The following CEP70 variants were observed in gnomAD, a reference collection of about 807,000 sequenced individuals.
CEP70 encodes the protein centrosomal protein of 70 kDa.
CEP70 carries 70 observed loss-of-function variants against 90.9 expected under a neutral mutation model. The observed-to-expected ratio is 0.77, with a 90% confidence interval of 0.64 to 0.94. The LOEUF is 0.94. Ranked by LOEUF, CEP70 falls within the 40% of genes least tolerant of loss-of-function variation. CEP70 has a pLI of 0.00. For missense variants in CEP70, 648 were observed against 669.0 expected (o/e 0.97, Z 0.35); for synonymous variants, 220 against 228.3 (o/e 0.96, Z 0.33).
At chr3:138,581,301 G>A (rs1222743614) in intron 2 of CEP70, among the ~76,000 whole-genome samples, 175 of 150,106 alleles carry the variant, frequency 1.2e-3, no homozygotes, top group African/African-American at 3.3e-3. Context: ...AAAAAAGAAA[G>A]AAAAGAAAAA....
intron 6 of CEP70, among the ~76,000 whole-genome samples, chr3:138,555,621 C>T (rs2039949727): frequency 6.6e-6 from 1 of 152,052 alleles, no homozygotes; most frequent in African/African-American, 2.4e-5. Flanking sequence ...ATAGAGAATT[C>T]TGAAAAGAAG....
chr3:138,560,539 G>A (rs1211508460), intron 6 of CEP70, among the ~76,000 whole-genome samples: 1 of 151,912 alleles, frequency 6.6e-6, no homozygotes, highest in African/African-American at 2.4e-5. Flanking sequence ...TGCTCCCCTG[G>A]AAAGGGGACT....
intron 6 of CEP70, among the ~76,000 whole-genome samples, chr3:138,567,472 C>T (rs967518178): frequency 6.6e-6 from 1 of 152,150 alleles, no homozygotes; most frequent in Non-Finnish European, 1.5e-5. Flanking sequence ...AAGATGATAA[C>T]ACAAGAAAAG....
At chr3:138,585,768 T>A (rs776556411) in intron 2 of CEP70, among the ~76,000 whole-genome samples, 1 of 152,022 alleles carries the variant, frequency 6.6e-6, no homozygotes, top group Non-Finnish European at 1.5e-5. Context: ...TTGACAAAGG[T>A]GCCAAGAACA....
At position 138,539,554 on chromosome 3, in the gene CEP70, G is replaced by C. The variant is rs138113093; in HGVS notation, c.466-2207C>G. Among the ~76,000 whole-genome samples the C allele has an allele frequency of 5.6e-3, 855 of 152,148 alleles. 7 individuals carry two copies. The highest frequency in any genetic ancestry group is 0.02 in the African/African-American group (823 of 41,502). On this transcript the variant is annotated intron_variant, in intron 6 of 17. Coordinates refer to ENST00000264982, the MANE Select transcript of CEP70 (RefSeq NM_024491.4). ...CCCTGAACTGAAAAATGCATTAGAG[G>C]CTTTTAATAGCAGACTGGATCAAGC...
intron 2 of CEP70, among the ~76,000 whole-genome samples, chr3:138,575,746 A>T (rs892831099): frequency 2.0e-5 from 3 of 152,172 alleles, no homozygotes; most frequent in African/African-American, 4.8e-5. Flanking sequence ...GACTAACAGC[A>T]GATCTCTTGG....
At chr3:138,495,107 G>A (rs1245385753) in intron 17 of CEP70, 31 bp from the exon 18 acceptor site, 1 of 1,363,450 alleles carries the variant, frequency 7.3e-7, no homozygotes, top group South Asian at 1.2e-5. Flanking sequence ...TAATAAAAGA[G>A]AGTAACTTTT....
chr3:138,540,802 C>G (rs1308479870), intron 6 of CEP70, among the ~76,000 whole-genome samples: 1 of 152,152 alleles, frequency 6.6e-6, no homozygotes, highest in Non-Finnish European at 1.5e-5. Context: ...TGAATGTTCA[C>G]TGCAGCACTA....
chr3:138,546,285 T>C (rs2039194823), intron 6 of CEP70, among the ~76,000 whole-genome samples: 1 of 152,152 alleles, frequency 6.6e-6, no homozygotes, highest in African/African-American at 2.4e-5. Flanking sequence ...AAAATATGTA[T>C]AGCTAGTATG....
chr3:138,580,280 G>A (rs773891051), intron 2 of CEP70, among the ~76,000 whole-genome samples: 35 of 152,118 alleles, frequency 2.3e-4, no homozygotes, highest in Non-Finnish European at 3.8e-4. Context: ...CCACAGGGAT[G>A]CCTGTGTCAC....
At chr3:138,507,314 G>T (rs904494662) in intron 12 of CEP70, among the ~76,000 whole-genome samples, 2 of 152,174 alleles carry the variant, frequency 1.3e-5, no homozygotes, top group Non-Finnish European at 2.9e-5. Context: ...ATTTCTGAAT[G>T]TGATGATTCA....
intron 2 of CEP70, among the ~76,000 whole-genome samples, chr3:138,578,740 A>G (rs1363156021): frequency 1.3e-5 from 2 of 152,244 alleles, no homozygotes; most frequent in African/African-American, 4.8e-5. Context: ...AAGTTCAGAA[A>G]AACTAATTTT....
At chr3:138,519,670 C>G (rs2036414695) in intron 11 of CEP70, among the ~76,000 whole-genome samples, 2 of 152,178 alleles carry the variant, frequency 1.3e-5, no homozygotes, top group Non-Finnish European at 2.9e-5. Flanking sequence ...CCTACAAGAG[C>G]TCCTGAAGGA....
At position 138,499,783 on chromosome 3, in the gene CEP70, TACACACACAC is replaced by T. The variant is rs56826450; in HGVS notation, c.1652+317_1652+326del. 9.9e-4 allele frequency: 191 copies of T among 193,208 alleles called. 1 individual carries two copies. The highest frequency in any genetic ancestry group is 4.5e-3 in the African/African-American group (185 of 41,502). 12.0% of individuals were successfully genotyped at this position (193,208 alleles called of 1,614,324 possible). A position where few individuals can be genotyped will look rare whatever the true frequency, so the allele number is the denominator to read the frequency against. On this transcript the variant is annotated intron_variant, in intron 16 of 17. Transcript: ENST00000264982. ...GCAACCTTGTCTCTATCTCTCTCTC[TACACACACAC>T]ACACACACACACAAATTAGCTGGGC...
intron 7 of CEP70, 129 bp downstream of exon 7, chr3:138,537,049 G>T: frequency 2.1e-6 from 1 of 468,444 alleles, no homozygotes; most frequent in Non-Finnish European, 3.5e-6. Context: ...AAACAATGCA[G>T]AAGAGGAGGA....
chr3:138,557,951 T>C (rs1440814932), intron 6 of CEP70, among the ~76,000 whole-genome samples: 1 of 152,196 alleles, frequency 6.6e-6, no homozygotes, highest in Non-Finnish European at 1.5e-5. Flanking sequence ...AATAATAGAC[T>C]AGGTAATTCA....
At chr3:138,530,424 T>G (rs2037707955) in intron 8 of CEP70, among the ~76,000 whole-genome samples, 1 of 152,224 alleles carries the variant, frequency 6.6e-6, no homozygotes, top group Non-Finnish European at 1.5e-5. Flanking sequence ...ACCAGTCTAG[T>G]AAGTATCAAT....
chr3:138,517,752 T>G (rs2036177300), intron 11 of CEP70, among the ~76,000 whole-genome samples: 1 of 152,182 alleles, frequency 6.6e-6, no homozygotes, highest in Non-Finnish European at 1.5e-5. Flanking sequence ...ACTCCCTGCA[T>G]GAGCAACGCA....
chr3:138,566,992 G>A (rs1034544526), intron 6 of CEP70, among the ~76,000 whole-genome samples: 5 of 152,026 alleles, frequency 3.3e-5, no homozygotes, highest in Non-Finnish European at 5.9e-5. Context: ...ACAGATGAAT[G>A]GATAAACAAA....
Sources: allele counts gnomAD v4.1 joint callset (sites outside exome capture counted in the v4.1 genomes callset), GRCh38; gene constraint gnomAD v4.1.1; transcripts MANE v1.5; gene names NCBI Gene and HGNC (gene_info 2026-07-23, HGNC 2026-07-21).